CNTNAP5: variants seen among roughly 807,000 people sequenced by gnomAD.
CNTNAP5 encodes the protein contactin-associated protein-like 5.
In CNTNAP5, 72 loss-of-function variants were observed where a neutral mutation model predicts 150.2. The observed-to-expected ratio is 0.48, with a 90% confidence interval of 0.40 to 0.58. CNTNAP5 has a LOEUF of 0.58. Ranked by LOEUF, CNTNAP5 falls within the 20% of genes least tolerant of loss-of-function variation. The pLI, the probability that CNTNAP5 is intolerant of heterozygous loss-of-function variation, is 0.00. For synonymous variants in CNTNAP5, 672 were observed against 619.8 expected (o/e 1.08, Z -1.25); for missense variants, 1,636 against 1,626.2 (o/e 1.01, Z -0.10).
At chr2:124,443,177 T>C (rs1692719062) in intron 5 of CNTNAP5, among the ~76,000 whole-genome samples, 1 of 151,200 alleles carries the variant, frequency 6.6e-6, no homozygotes, top group Non-Finnish European at 1.5e-5. Context: ...CATCTAAATT[T>C]ATATCACTAG....
intron 1 of CNTNAP5, among the ~76,000 whole-genome samples, chr2:124,095,224 C>T (rs961857187): frequency 6.6e-6 from 1 of 152,132 alleles, no homozygotes; most frequent in Admixed American, 6.5e-5. Flanking sequence ...AACCATCCTT[C>T]TCAGCAAACT....
intron 12 of CNTNAP5, among the ~76,000 whole-genome samples, chr2:124,612,682 T>C (rs553611350): frequency 6.6e-6 from 1 of 152,322 alleles, no homozygotes; most frequent in Admixed American, 6.5e-5. Flanking sequence ...GGGTATTTAT[T>C]TTGAATATGA....
intron 10 of CNTNAP5, among the ~76,000 whole-genome samples, chr2:124,541,664 G>A (rs886601520): frequency 6.6e-6 from 1 of 152,052 alleles, no homozygotes; most frequent in African/African-American, 2.4e-5. Flanking sequence ...AATAAGGAAG[G>A]GAATACAAAT....
At chr2:124,452,122 G>A (rs545253901) in intron 6 of CNTNAP5, among the ~76,000 whole-genome samples, 1 of 152,196 alleles carries the variant, frequency 6.6e-6, no homozygotes, top group South Asian at 2.1e-4. Context: ...TATTTTTGCA[G>A]CTGTGAGGTG....
At chr2:124,812,977 T>C (rs1022774906) in intron 19 of CNTNAP5, among the ~76,000 whole-genome samples, 11 of 152,212 alleles carry the variant, frequency 7.2e-5, no homozygotes, top group Non-Finnish European at 1.5e-4. Flanking sequence ...TGGAGCTTTC[T>C]TGGCCACTTC....
Position 124,911,515 on chromosome 2 carries a change from GA to G in CNTNAP5, c.3706del (p.Ser1236ValfsTer9). ...CGGGAACCACTCACAAATGCTGTTC[GA>G]AGTGATTCGGCAGTCATCGGAGGTA... ...DEREPLTNAV[R>X]SDSAVIGGVI... On this transcript the variant is annotated frameshift_variant, in exon 23 of 24. Transcript: ENST00000682447. LOFTEE classifies it high-confidence loss of function. 1 of 1,601,494 alleles carries G rather than the reference GA, an allele frequency of 6.2e-7. No individual in the cohort carries two copies. The highest frequency in any genetic ancestry group is 8.5e-7 in the Non-Finnish European group (1 of 1,173,510).
At chr2:124,801,915 G>C (rs1681976273) in intron 19 of CNTNAP5, among the ~76,000 whole-genome samples, 3 of 152,138 alleles carry the variant, frequency 2.0e-5, no homozygotes, top group African/African-American at 7.2e-5. Flanking sequence ...GGGTTTAAAG[G>C]GGGAGGTTAT....
intron 3 of CNTNAP5, among the ~76,000 whole-genome samples, chr2:124,249,136 T>C (rs1687104201): frequency 6.6e-6 from 1 of 152,140 alleles, no homozygotes; most frequent in Non-Finnish European, 1.5e-5. Context: ...CTACAAACCA[T>C]CAATTCTCCT....
intron 13 of CNTNAP5, among the ~76,000 whole-genome samples, chr2:124,685,225 A>C (rs1277993222): frequency 2.6e-5 from 4 of 152,088 alleles, no homozygotes; most frequent in African/African-American, 9.7e-5. Context: ...CAGGGGGTTC[A>C]TTTCCCTTTT....
At chr2:124,296,867 T>C (rs1688444630) in intron 3 of CNTNAP5, among the ~76,000 whole-genome samples, 1 of 152,220 alleles carries the variant, frequency 6.6e-6, no homozygotes, top group Admixed American at 6.5e-5. Flanking sequence ...AGGGTGAGAC[T>C]GGAGAAGGGC....
At chr2:124,560,163 C>A (rs957152680) in intron 10 of CNTNAP5, among the ~76,000 whole-genome samples, 1 of 152,130 alleles carries the variant, frequency 6.6e-6, no homozygotes, top group African/African-American at 2.4e-5. Context: ...TTCCCCTAAA[C>A]CCTTCTCCCA....
rs75197338 is a variant in CNTNAP5, at chr2:124,079,053, C to G, written c.82+53321C>G. Among the ~76,000 whole-genome samples, 91 of 152,268 alleles carry G rather than the reference C, an allele frequency of 6.0e-4. No homozygotes were observed. The East Asian group carries it at 0.016, about 26-fold the overall frequency. On this transcript the variant is annotated intron_variant, in intron 1 of 23. Transcript: ENST00000682447. Reference sequence around the variant, plus strand: ...CAAGTGCTTCAGAAAAGACACAGGGCTAGATGCAGAAACAGGACTGTCAGG... The same window carrying G: ...CAAGTGCTTCAGAAAAGACACAGGGGTAGATGCAGAAACAGGACTGTCAGG...
intron 10 of CNTNAP5, among the ~76,000 whole-genome samples, chr2:124,548,967 C>G (rs1695574941): frequency 6.6e-6 from 1 of 152,154 alleles, no homozygotes; most frequent in African/African-American, 2.4e-5. Context: ...TCACACTATG[C>G]CTCAGCTGGG....
At chr2:124,313,717 T>C (rs772189913) in intron 3 of CNTNAP5, among the ~76,000 whole-genome samples, 35 of 152,210 alleles carry the variant, frequency 2.3e-4, no homozygotes, top group Non-Finnish European at 3.7e-4. Context: ...TTGTGGCTAA[T>C]TGAGGATACA....
intron 1 of CNTNAP5, among the ~76,000 whole-genome samples, chr2:124,180,862 C>T (rs937554633): frequency 1.3e-5 from 2 of 149,298 alleles, no homozygotes; most frequent in African/African-American, 5.0e-5. Context: ...TTATTGTTCA[C>T]CTTGAATGGG....
intron 3 of CNTNAP5, among the ~76,000 whole-genome samples, chr2:124,389,222 T>C (rs910483496): frequency 6.6e-6 from 1 of 152,186 alleles, no homozygotes; most frequent in Non-Finnish European, 1.5e-5. Context: ...TAAAGTGTTT[T>C]GTTTGAAAAA....
intron 13 of CNTNAP5, among the ~76,000 whole-genome samples, chr2:124,698,038 C>T (rs190019377): frequency 3.0e-4 from 46 of 152,160 alleles, no homozygotes; most frequent in South Asian, 6.2e-4. Context: ...GGGGCCACAT[C>T]CTGGAAGCCC....
chr2:124,446,987 C>A, intron 6 of CNTNAP5, 50 bp downstream of exon 6: 1 of 1,558,018 alleles, frequency 6.4e-7, no homozygotes, highest in Non-Finnish European at 8.8e-7. Context: ...CTTCAATGAA[C>A]GCAGCAAGAA....
intron 1 of CNTNAP5, among the ~76,000 whole-genome samples, chr2:124,134,550 A>T (rs1683931382): frequency 6.6e-6 from 1 of 152,196 alleles, no homozygotes; most frequent in African/African-American, 2.4e-5. Context: ...TGAATGCTCT[A>T]TCTCATAAAA....
Sources: gnomAD v4.1 joint callset for allele counts (sites outside exome capture counted in the v4.1 genomes callset) on GRCh38, gnomAD v4.1.1 for gene constraint, MANE v1.5 for transcripts, NCBI Gene and HGNC (gene_info 2026-07-23, HGNC 2026-07-21) for gene names.